Variants in POLR1A observed in about 807,000 individuals in gnomAD.
POLR1A encodes DNA-directed RNA polymerase I subunit RPA1.
POLR1A carries 84 observed loss-of-function variants against 205.3 expected under a neutral mutation model. The observed-to-expected ratio is 0.41, with a 90% CI of 0.34 to 0.49. POLR1A has a LOEUF of 0.49. Ranked by LOEUF, POLR1A falls within the 20% of genes least tolerant of loss-of-function variation. The pLI is 0.22. For synonymous variants in POLR1A, 799 were observed against 863.7 expected (o/e 0.93, Z 1.31); for missense variants, 1,645 against 2,204.5 (o/e 0.75, Z 5.08).
At chr2:86,077,302 G>A (rs964982027) in intron 11 of POLR1A, among the ~76,000 whole-genome samples, 4 of 152,186 alleles carry the variant, frequency 2.6e-5, no homozygotes, top group Non-Finnish European at 5.9e-5. Flanking sequence ...GGGTCGGGGG[G>A]AGAGCACTAA....
At chr2:86,032,196 C>T (rs1186537828) in intron 29 of POLR1A, 76 bp downstream of exon 29, 21 of 1,015,490 alleles carry the variant, frequency 2.1e-5, no homozygotes, top group African/African-American at 4.7e-5. Flanking sequence ...GCCTGGGTGC[C>T]GGGAGATAAT....
chr2:86,056,996 T>C (rs374724741), intron 14 of POLR1A, among the ~76,000 whole-genome samples: 41 of 152,362 alleles, frequency 2.7e-4, no homozygotes, highest in African/African-American at 8.2e-4. Context: ...AGGAGTTATT[T>C]TGACTTTCAA....
In POLR1A at chr2:86,097,517, T is replaced by C. The variant is rs1673727643; in HGVS notation, c.432+1094A>G. On this transcript the variant is annotated intron_variant, in intron 3 of 33. Coordinates refer to ENST00000263857, the MANE Select transcript of POLR1A (RefSeq NM_015425.6). ...AGATGTCCAACAATAGATAAAGGGA[T>C]AAAGCAAATGTGGTATATATACATA... Among the ~76,000 whole-genome samples, 3 of 152,268 alleles carry C rather than the reference T, an allele frequency of 2.0e-5. No individual in the cohort carries two copies. In the South Asian group the frequency reaches 6.2e-4, roughly 32 times the overall value.
intron 18 of POLR1A, among the ~76,000 whole-genome samples, chr2:86,048,587 C>T (rs925311041): frequency 3.3e-5 from 5 of 152,228 alleles, no homozygotes; most frequent in Non-Finnish European, 7.3e-5. Context: ...CCCCTGGTGG[C>T]CCCATTCAGC....
At chr2:86,046,902 CT>C (rs1209495843) in intron 19 of POLR1A, among the ~76,000 whole-genome samples, 5 of 152,232 alleles carry the variant, frequency 3.3e-5, no homozygotes, top group African/African-American at 1.2e-4. Flanking sequence ...CATAATTTAT[CT>C]ATATAACGTG....
chr2:86,030,443 C>T, intron 30 of POLR1A, 47 bp from the exon 31 acceptor site: 1 of 1,362,588 alleles, frequency 7.3e-7, no homozygotes, highest in Non-Finnish European at 1.0e-6. Context: ...ACTCCAGTCC[C>T]CACAAAGAGG....
intron 27 of POLR1A, among the ~76,000 whole-genome samples, chr2:86,035,359 G>C (rs1672476246): frequency 6.6e-6 from 1 of 152,182 alleles, no homozygotes; most frequent in South Asian, 2.1e-4. Context: ...GAGGGGGTGG[G>C]AGAGATGTTT....
At chr2:86,059,642 T>G (rs1199907546) in intron 14 of POLR1A, among the ~76,000 whole-genome samples, 1 of 152,214 alleles carries the variant, frequency 6.6e-6, no homozygotes, top group Non-Finnish European at 1.5e-5. Flanking sequence ...CTCAGCTCAA[T>G]GCAACCTCTG....
chr2:86,035,429 G>A (rs957354289), intron 27 of POLR1A, among the ~76,000 whole-genome samples: 4 of 152,202 alleles, frequency 2.6e-5, no homozygotes, highest in Non-Finnish European at 5.9e-5. Flanking sequence ...GGAGGGCCTT[G>A]ATCTCATCTG....
chr2:86,105,248 T>C (rs978698363), intron 1 of POLR1A, among the ~76,000 whole-genome samples: 3 of 152,056 alleles, frequency 2.0e-5, no homozygotes, highest in African/African-American at 7.2e-5. Context: ...TAAAGAGAGT[T>C]CCCTTGATTT....
intron 1 of POLR1A, among the ~76,000 whole-genome samples, chr2:86,103,922 G>C (rs1673869460): frequency 6.6e-6 from 1 of 152,170 alleles, no homozygotes; most frequent in African/African-American, 2.4e-5. Flanking sequence ...GCATGCAGAG[G>C]GAATAGCTTA....
At chr2:86,102,864 G>A (rs34218224) in intron 1 of POLR1A, among the ~76,000 whole-genome samples, 5,138 of 152,204 alleles carry the variant, frequency 0.034, 140 homozygotes, top group Non-Finnish European at 0.05. Context: ...TTGTTCTCTG[G>A]GCCTGAATTT....
intron 2 of POLR1A, among the ~76,000 whole-genome samples, chr2:86,099,439 T>TA (rs908003166): frequency 1.9e-4 from 28 of 147,096 alleles, no homozygotes; most frequent in East Asian, 1.2e-3. Context: ...ATGTGTAGCT[T>TA]AAAAAAAAAA....
At chr2:86,050,968 T>A (rs575253601) in intron 16 of POLR1A, among the ~76,000 whole-genome samples, 1 of 152,294 alleles carries the variant, frequency 6.6e-6, no homozygotes, top group East Asian at 1.9e-4. Context: ...AGACTTAACT[T>A]ATAATCCTTA....
At chr2:86,079,993 C>A (rs1398185041) in intron 9 of POLR1A, among the ~76,000 whole-genome samples, 3 of 152,174 alleles carry the variant, frequency 2.0e-5, no homozygotes, top group Non-Finnish European at 4.4e-5. Flanking sequence ...TAAAAGCACA[C>A]CAATGCGGGC....
intron 7 of POLR1A, among the ~76,000 whole-genome samples, chr2:86,082,224 A>G (rs138946578): frequency 1.3e-5 from 2 of 152,302 alleles, no homozygotes; most frequent in African/African-American, 4.8e-5. Context: ...TGGGTACTAC[A>G]GGGACAATAG....
rs1012636078 is a variant in POLR1A, at chr2:86,023,809, T to C, written c.*3614A>G. 4.6e-5 allele frequency: 7 copies of C among 150,820 alleles called. No individual in the cohort carries two copies. Among genetic ancestry groups the C allele is most frequent in the Non-Finnish European group, 8.8e-5 (6 of 67,852 alleles). 9.3% of individuals were successfully genotyped at this position (150,820 alleles called of 1,614,324 possible). On this transcript the variant is annotated 3_prime_UTR_variant, in exon 34 of 34. Coordinates refer to ENST00000263857, the MANE Select transcript of POLR1A (RefSeq NM_015425.6). ...CTCTGTCACCCAGGCTGGAGTGCAG[T>C]GGCGCAATCTCGGCTCACTGCAACC...
chr2:86,082,373 A>AT lies in POLR1A; in HGVS notation c.818-668dup, dbSNP rs535460159. 2.8e-3 allele frequency among the ~76,000 whole-genome samples: 427 copies of AT among 151,754 alleles called. 3 individuals carry two copies. Among genetic ancestry groups the AT allele is most frequent in the African/African-American group, 9.9e-3 (408 of 41,332 alleles). On this transcript the variant is annotated intron_variant, in intron 7 of 33. Transcript: ENST00000263857. ...CATAAAAAATATGTTGAATAAAAAA[A>AT]TTTTTTTTTAAGTTAGCCTCCTCCC...
At chr2:86,083,011 G>T in intron 7 of POLR1A, 71 bp downstream of exon 7, 3 of 1,120,172 alleles carry the variant, frequency 2.7e-6, no homozygotes, top group African/African-American at 1.5e-5. Context: ...AAGTAATAAG[G>T]CAGGGTTAAT....
Sources: allele counts gnomAD v4.1 joint callset (sites outside exome capture counted in the v4.1 genomes callset), GRCh38; gene constraint gnomAD v4.1.1; transcripts MANE v1.5; gene names NCBI Gene and HGNC (gene_info 2026-07-23, HGNC 2026-07-21).